DAB1: variants seen among roughly 807,000 people sequenced by gnomAD.
DAB1 encodes DAB adaptor protein 1, also known as disabled homolog 1.
DAB1 carries 15 observed loss-of-function variants against 64.6 expected under a neutral mutation model. That is an observed-to-expected ratio of 0.23 (90% confidence interval 0.16 to 0.36). The LOEUF (loss-of-function observed/expected upper bound fraction) is 0.36, where lower values mean the gene tolerates loss of function less well. DAB1 is among the 10% of genes least tolerant of loss of function. The pLI is 1.00. For synonymous variants in DAB1, 235 were observed against 251.9 expected, an observed-to-expected ratio of 0.93 and a Z score of 0.64; for missense variants, 596 against 706.7, an observed-to-expected ratio of 0.84 and a Z score of 1.78.
chr1:58,234,685 G>A (rs1296614256), intron 4 of DAB1, among the ~76,000 whole-genome samples: 3 of 152,198 alleles, frequency 2.0e-5, no homozygotes, highest in South Asian at 2.1e-4. Context: ...CAAAGGCTCA[G>A]AAGTGAACGA....
At position 58,543,108 on chromosome 1, in the gene DAB1, T is replaced by G. The variant is rs556518461; in HGVS notation, n.32+3595A>C. ...GAGAATAAGACCTCCCTGATTCCCATGAAACCATTGTACTTCCTACACTTA... is the reference window on the plus strand; with the variant it reads ...GAGAATAAGACCTCCCTGATTCCCAGGAAACCATTGTACTTCCTACACTTA... On this transcript the variant is annotated intron_variant and non_coding_transcript_variant, in intron 1 of 20. Coordinates refer to the DAB1 transcript ENST00000485760. Among the ~76,000 whole-genome samples, 25 of 152,298 alleles carry G rather than the reference T, an allele frequency of 1.6e-4. 1 individual carries two copies. Among genetic ancestry groups the G allele is most frequent in the African/African-American group, 4.8e-4 (20 of 41,564 alleles).
At chr1:58,458,899 CCTCT>C (rs1319333475) in intron 3 of DAB1, among the ~76,000 whole-genome samples, 7 of 151,758 alleles carry the variant, frequency 4.6e-5, no homozygotes, top group Non-Finnish European at 1.0e-4. Context: ...GTTTTTTTAA[CCTCT>C]CTGAGCCTCA....
At chr1:58,516,231 G>A (rs1646155734) in intron 2 of DAB1, among the ~76,000 whole-genome samples, 1 of 152,168 alleles carries the variant, frequency 6.6e-6, no homozygotes, top group Admixed American at 6.5e-5. Flanking sequence ...GGCTAGCCCA[G>A]TTCAGAACCA....
chr1:57,914,186 G>A (rs1488065897), intron 5 of DAB1, among the ~76,000 whole-genome samples: 1 of 152,050 alleles, frequency 6.6e-6, no homozygotes, highest in African/African-American at 2.4e-5. Flanking sequence ...CAAAGACTTG[G>A]AACCAACCCA....
chr1:57,923,612 G>C (rs1478759379), intron 5 of DAB1, among the ~76,000 whole-genome samples: 1 of 152,160 alleles, frequency 6.6e-6, no homozygotes, highest in East Asian at 1.9e-4. Flanking sequence ...TCACAGGTTG[G>C]AAACTGTTAC....
At chr1:57,964,359 C>T (rs923852978) in intron 5 of DAB1, among the ~76,000 whole-genome samples, 12 of 152,178 alleles carry the variant, frequency 7.9e-5, no homozygotes, top group Admixed American at 2.0e-4. Flanking sequence ...ATACATTGAG[C>T]TCTTACTGTA....
At chr1:58,328,227 T>A (rs750107343) in intron 4 of DAB1, among the ~76,000 whole-genome samples, 3 of 152,224 alleles carry the variant, frequency 2.0e-5, no homozygotes, top group Non-Finnish European at 2.9e-5. Context: ...CCCAACGTGA[T>A]CTGCTTCTGG....
At chr1:57,284,423 T>G (rs969627331) in intron 2 of DAB1, among the ~76,000 whole-genome samples, 2 of 152,170 alleles carry the variant, frequency 1.3e-5, no homozygotes, top group African/African-American at 4.8e-5. Context: ...AAGAACTAAT[T>G]AATTAATGAT....
intron 2 of DAB1, among the ~76,000 whole-genome samples, chr1:57,171,250 G>A (rs1397901692): frequency 1.3e-5 from 2 of 152,156 alleles, no homozygotes; most frequent in Non-Finnish European, 2.9e-5. Context: ...TGAAGCACTA[G>A]GGCACAGCCT....
intron 5 of DAB1, among the ~76,000 whole-genome samples, chr1:58,122,273 C>T (rs1328906293): frequency 6.6e-6 from 1 of 152,020 alleles, no homozygotes; most frequent in Non-Finnish European, 1.5e-5. Flanking sequence ...GACTGTGGAC[C>T]CTAATTAATT....
intron 4 of DAB1, among the ~76,000 whole-genome samples, chr1:58,285,741 C>G (rs1001112303): frequency 6.6e-6 from 1 of 152,128 alleles, no homozygotes; most frequent in East Asian, 1.9e-4. Context: ...CCATACTGCC[C>G]AAAGTAATTT....
At chr1:58,243,465 G>A (rs1184885134) in intron 4 of DAB1, among the ~76,000 whole-genome samples, 2 of 152,130 alleles carry the variant, frequency 1.3e-5, no homozygotes, top group Non-Finnish European at 2.9e-5. Context: ...AAATGAAAAG[G>A]TTGTCTGATG....
intron 6 of DAB1, among the ~76,000 whole-genome samples, chr1:57,777,836 G>A (rs1649885140): frequency 6.6e-6 from 1 of 151,908 alleles, no homozygotes; most frequent in African/African-American, 2.4e-5. Context: ...TTTTTTGTGG[G>A]ACAGGATGTT....
intron 1 of DAB1, among the ~76,000 whole-genome samples, chr1:58,531,433 AAATAG>A (rs1422053881): frequency 1.3e-5 from 2 of 152,210 alleles, no homozygotes; most frequent in African/African-American, 4.8e-5. Flanking sequence ...ATTTTTCATA[AAATAG>A]TTGTTTTGAG....
intron 3 of DAB1, among the ~76,000 whole-genome samples, chr1:58,497,208 T>C (rs1239036159): frequency 6.6e-6 from 1 of 152,126 alleles, no homozygotes; most frequent in Admixed American, 6.6e-5. Flanking sequence ...ACCAATTCAA[T>C]GACAAGTTTT....
chr1:57,857,599 A>C (rs1398981004), intron 1 of DAB1, among the ~76,000 whole-genome samples: 1 of 152,198 alleles, frequency 6.6e-6, no homozygotes, highest in African/African-American at 2.4e-5. Context: ...TATAGACATT[A>C]AGCAATTTGT....
At chr1:57,631,354 A>G in intron 7 of DAB1, among the ~76,000 whole-genome samples, 1 of 152,248 alleles carries the variant, frequency 6.6e-6, no homozygotes, top group East Asian at 1.9e-4. Context: ...AGCAGCAAGT[A>G]AAGCTTGCAT....
At chr1:58,235,178 T>G (rs1659961039) in intron 4 of DAB1, among the ~76,000 whole-genome samples, 1 of 152,194 alleles carries the variant, frequency 6.6e-6, no homozygotes, top group Non-Finnish European at 1.5e-5. Context: ...TACTCTGAGC[T>G]CTGAGCCAAA....
chr1:57,013,262 A>G (rs1179258781), intron 12 of DAB1, among the ~76,000 whole-genome samples: 1 of 152,198 alleles, frequency 6.6e-6, no homozygotes, highest in African/African-American at 2.4e-5. Flanking sequence ...CTCATGTCCC[A>G]GGCACTAAGC....
Sources: allele counts gnomAD v4.1 joint callset (sites outside exome capture counted in the v4.1 genomes callset), GRCh38; gene constraint gnomAD v4.1.1; transcripts MANE v1.5; gene names NCBI Gene and HGNC (gene_info 2026-07-23, HGNC 2026-07-21).